The following LRP1B variants were observed in gnomAD, a reference collection of about 807,000 sequenced individuals.
The protein encoded by LRP1B is low-density lipoprotein receptor-related protein 1B.
In LRP1B, 217 loss-of-function variants were observed where a neutral mutation model predicts 556.6. The observed-to-expected ratio is 0.39, with a 90% CI of 0.35 to 0.44. The LOEUF (loss-of-function observed/expected upper bound fraction) is 0.44. Among genes scored for constraint, LRP1B ranks in the 20% least tolerant of loss-of-function variants. The probability of loss-of-function intolerance (pLI) is 1.00; values close to 1 mark genes in which losing one functional copy is unlikely to be tolerated. For missense variants in LRP1B, 5,053 were observed against 5,620.8 expected (o/e 0.90, Z 3.23); for synonymous variants, 2,047 against 1,865.8 (o/e 1.10, Z -2.50).
chr2:140,369,675 ACT>A (rs1682908373), intron 71 of LRP1B, among the ~76,000 whole-genome samples: 1 of 151,868 alleles, frequency 6.6e-6, no homozygotes, highest in African/African-American at 2.4e-5. Context: ...AAAAAAAAAA[ACT>A]ATTTTTTTCT....
chr2:140,872,742 T>C (rs528782315), intron 25 of LRP1B, among the ~76,000 whole-genome samples: 75 of 152,228 alleles, frequency 4.9e-4, no homozygotes, highest in African/African-American at 1.7e-3. Flanking sequence ...ATTTTGCTAT[T>C]TGATTTTCAC....
chr2:141,380,914 C>G, intron 3 of LRP1B, among the ~76,000 whole-genome samples: 1 of 152,006 alleles, frequency 6.6e-6, no homozygotes, highest in East Asian at 1.9e-4. Context: ...GAATCTCTGG[C>G]CAGGCTGTTT....
At chr2:140,729,386 T>C (rs1441337424) in intron 35 of LRP1B, among the ~76,000 whole-genome samples, 1 of 152,142 alleles carries the variant, frequency 6.6e-6, no homozygotes, top group African/African-American at 2.4e-5. Context: ...ATGCTTACTG[T>C]GTAAGGGCTA....
intron 1 of LRP1B, among the ~76,000 whole-genome samples, chr2:141,824,698 C>T (rs1280454168): frequency 2.6e-5 from 4 of 152,202 alleles, no homozygotes; most frequent in Non-Finnish European, 4.4e-5. Context: ...TAATATGTGG[C>T]ACAAACCTTA....
At chr2:140,298,317 C>CGT (rs1553442004) in intron 83 of LRP1B, among the ~76,000 whole-genome samples, 187 of 152,170 alleles carry the variant, frequency 1.2e-3, no homozygotes, top group African/African-American at 4.4e-3. Context: ...TTATTCTACT[C>CGT]ATGTGATAAT....
intron 77 of LRP1B, among the ~76,000 whole-genome samples, chr2:140,343,998 C>A (rs930536848): frequency 6.6e-6 from 1 of 151,448 alleles, no homozygotes; most frequent in Non-Finnish European, 1.5e-5. Context: ...GTCATAGACA[C>A]GTTCATTAGT....
At chr2:142,130,467 C>T (rs903615136) in intron 1 of LRP1B, among the ~76,000 whole-genome samples, 181 bp downstream of exon 1, 1 of 152,210 alleles carries the variant, frequency 6.6e-6, no homozygotes, top group Non-Finnish European at 1.5e-5. Flanking sequence ...GACTCAGGCA[C>T]TTGGTTCAGA....
At chr2:140,600,141 A>T (rs2105193397) in intron 42 of LRP1B, among the ~76,000 whole-genome samples, 1 of 152,208 alleles carries the variant, frequency 6.6e-6, no homozygotes, top group Admixed American at 6.6e-5. Flanking sequence ...GCTAATTAAA[A>T]CTCATCATAT....
intron 53 of LRP1B, among the ~76,000 whole-genome samples, chr2:140,506,490 C>T (rs1276829920): frequency 1.3e-5 from 2 of 152,138 alleles, no homozygotes; most frequent in South Asian, 2.1e-4. Flanking sequence ...GTGATCCACC[C>T]GCCTCAGCCT....
intron 2 of LRP1B, among the ~76,000 whole-genome samples, chr2:141,519,951 G>A (rs944954526): frequency 6.6e-6 from 1 of 152,064 alleles, no homozygotes; most frequent in Non-Finnish European, 1.5e-5. Flanking sequence ...CCCGACAATA[G>A]GGGAAGAATA....
At chr2:141,544,316 C>CTTCTTCTTCTTCTT (rs1553533102) in intron 2 of LRP1B, among the ~76,000 whole-genome samples, 812 of 34,110 alleles carry the variant, frequency 0.024, 56 homozygotes, top group East Asian at 0.033. Context: ...TCTTCTTCTT[C>CTTCTTCTTCTTCTT]TTCTTCTTCT....
chr2:140,861,175 G>A (rs193239708), intron 27 of LRP1B, among the ~76,000 whole-genome samples: 1 of 152,166 alleles, frequency 6.6e-6, no homozygotes, highest in Non-Finnish European at 1.5e-5. Flanking sequence ...GGGAAGCCGA[G>A]GAGGGCAGAT....
intron 2 of LRP1B, among the ~76,000 whole-genome samples, chr2:141,729,587 G>A (rs893448196): frequency 6.6e-6 from 1 of 152,250 alleles, no homozygotes; most frequent in Non-Finnish European, 1.5e-5. Flanking sequence ...GAAGTCTGAT[G>A]GACAAGACGG....
intron 1 of LRP1B, among the ~76,000 whole-genome samples, chr2:141,924,513 T>C (rs1203900797): frequency 6.6e-6 from 1 of 151,940 alleles, no homozygotes; most frequent in African/African-American, 2.4e-5. Context: ...AGGCAGAGGG[T>C]CCATCGAGCT....
At chr2:142,015,770 G>T (rs1354870456) in intron 1 of LRP1B, among the ~76,000 whole-genome samples, 1 of 151,920 alleles carries the variant, frequency 6.6e-6, no homozygotes, top group Admixed American at 6.6e-5. Flanking sequence ...GAGGCGGGCG[G>T]ATCACGAGGT....
chr2:141,472,689 C>T (rs1682522341), intron 3 of LRP1B, among the ~76,000 whole-genome samples: 1 of 152,124 alleles, frequency 6.6e-6, no homozygotes, highest in Non-Finnish European at 1.5e-5. Context: ...TTTGAAACCA[C>T]TATTGTCTAA....
intron 6 of LRP1B, among the ~76,000 whole-genome samples, chr2:141,227,654 C>T (rs550811452): frequency 3.3e-5 from 5 of 152,026 alleles, no homozygotes; most frequent in South Asian, 4.2e-4. Context: ...TCAAAATGTT[C>T]GACAATATTT....
At chr2:141,694,518 A>G (rs974287575) in intron 2 of LRP1B, among the ~76,000 whole-genome samples, 2 of 151,930 alleles carry the variant, frequency 1.3e-5, no homozygotes, top group East Asian at 3.9e-4. Context: ...ATTAAATCCC[A>G]TGGCTAGTTA....
chr2:141,675,357 A>C (rs1384586021), intron 2 of LRP1B, among the ~76,000 whole-genome samples: 1 of 151,884 alleles, frequency 6.6e-6, no homozygotes, highest in Non-Finnish European at 1.5e-5. Context: ...ATTCTCACAT[A>C]CTATTGCTAA....
Sources: allele counts gnomAD v4.1 joint callset (sites outside exome capture counted in the v4.1 genomes callset), GRCh38; gene constraint gnomAD v4.1.1; transcripts MANE v1.5; gene names NCBI Gene and HGNC (gene_info 2026-07-23, HGNC 2026-07-21).